The following PTPRD variants were observed in gnomAD, a reference collection of about 807,000 sequenced individuals.
PTPRD encodes protein tyrosine phosphatase receptor type D, also known as receptor-type tyrosine-protein phosphatase delta.
A neutral mutation model predicts 214.5 loss-of-function variants in PTPRD; 34 were observed. The ratio of observed to expected loss-of-function variants is 0.16; its 90% CI spans 0.12 to 0.21. The LOEUF (loss-of-function observed/expected upper bound fraction) is 0.21, where lower values mean the gene tolerates loss of function less well. Among genes scored for constraint, PTPRD ranks in the 10% least tolerant of loss-of-function variants. The pLI, the probability that PTPRD is intolerant of heterozygous loss-of-function variation, is 1.00. For synonymous variants in PTPRD, 1,128 were observed against 845.7 expected (o/e 1.33, Z -5.79); for missense variants, 2,545 against 2,398.7 (o/e 1.06, Z -1.27).
At chr9:10,161,646 T>G (rs1372161276) in intron 3 of PTPRD, among the ~76,000 whole-genome samples, 1 of 151,814 alleles carries the variant, frequency 6.6e-6, no homozygotes, top group African/African-American at 2.4e-5. Flanking sequence ...GCAAAGAATT[T>G]TCGTGTAAGA....
chr9:10,357,813 C>A (rs1196579253), intron 2 of PTPRD, among the ~76,000 whole-genome samples: 1 of 152,112 alleles, frequency 6.6e-6, no homozygotes, highest in Non-Finnish European at 1.5e-5. Context: ...AATAATTTTC[C>A]CTGACATTAA....
chr9:8,333,344 A>G (rs1843320589), intron 43 of PTPRD, among the ~76,000 whole-genome samples: 1 of 152,182 alleles, frequency 6.6e-6, no homozygotes, highest in Non-Finnish European at 1.5e-5. Context: ...AGAAGAGGTC[A>G]TGTGTGCAAA....
chr9:8,951,540 C>T (rs562583406), intron 11 of PTPRD, among the ~76,000 whole-genome samples: 1 of 152,042 alleles, frequency 6.6e-6, no homozygotes, highest in South Asian at 2.1e-4. Context: ...AGCTGTTTTA[C>T]GTTCAGCATA....
intron 9 of PTPRD, among the ~76,000 whole-genome samples, chr9:9,353,747 G>C (rs926117789): frequency 2.6e-4 from 39 of 151,874 alleles, no homozygotes; most frequent in African/African-American, 9.2e-4. Context: ...GAATATATTA[G>C]TTTTCTATTG....
chr9:10,176,886 C>G (rs1432459293), intron 3 of PTPRD, among the ~76,000 whole-genome samples: 1 of 151,878 alleles, frequency 6.6e-6, no homozygotes, highest in Non-Finnish European at 1.5e-5. Context: ...ATCAGTTTTT[C>G]TTATTTATTC....
At chr9:8,991,043 C>A (rs564594549) in intron 11 of PTPRD, among the ~76,000 whole-genome samples, 4 of 149,588 alleles carry the variant, frequency 2.7e-5, no homozygotes, top group African/African-American at 9.8e-5. Flanking sequence ...GGTGAAACCT[C>A]ATCTCTACCA....
chr9:9,425,386 T>G (rs1335992440), intron 8 of PTPRD, among the ~76,000 whole-genome samples: 1 of 51,930 alleles, frequency 1.9e-5, no homozygotes, highest in Non-Finnish European at 4.4e-5. Flanking sequence ...TAATATCTTA[T>G]ACATTATATA....
intron 8 of PTPRD, among the ~76,000 whole-genome samples, chr9:9,412,032 C>A: frequency 6.6e-6 from 1 of 152,276 alleles, no homozygotes; most frequent in African/African-American, 2.4e-5. Context: ...TTCACGGGAT[C>A]TTTCTGCTAT....
rs549311981 is a variant in PTPRD at position 10,394,253 on chromosome 9, A to T, written c.-599-53236T>A. ...CTATTATATATAATATATAGAAAAT[A>T]TAACCATTTGTCTTATATAAGTAAA... On this transcript the variant is annotated intron_variant, in intron 2 of 45. Transcript: ENST00000381196. Among the ~76,000 whole-genome samples the T allele has an allele frequency of 1.3e-3, 193 of 147,500 alleles. 2 individuals are homozygous for T. The highest frequency in any genetic ancestry group is 4.4e-3 in the African/African-American group (181 of 40,744).
intron 8 of PTPRD, among the ~76,000 whole-genome samples, chr9:9,467,480 G>A (rs771277487): frequency 4.0e-5 from 6 of 150,350 alleles, no homozygotes; most frequent in Non-Finnish European, 8.9e-5. Flanking sequence ...CCAGCTACTC[G>A]AGAGGCTGAG....
intron 11 of PTPRD, among the ~76,000 whole-genome samples, chr9:8,799,136 G>T (rs1393656419): frequency 6.6e-6 from 1 of 152,080 alleles, no homozygotes; most frequent in African/African-American, 2.4e-5. Flanking sequence ...AGAGTCCACA[G>T]GTATCTATAA....
intron 4 of PTPRD, among the ~76,000 whole-genome samples, chr9:10,017,944 G>T (rs889112367): frequency 2.8e-4 from 42 of 152,102 alleles, no homozygotes; most frequent in African/African-American, 9.7e-4. Flanking sequence ...AACAGCAGGG[G>T]TCCCCAGAGA....
At chr9:10,532,005 C>T (rs779949723) in intron 2 of PTPRD, 1 of 152,050 alleles carries the variant, frequency 6.6e-6, no homozygotes, top group Non-Finnish European at 1.5e-5. Flanking sequence ...TCATTTAATA[C>T]TTTATTTTAA....
intron 3 of PTPRD, among the ~76,000 whole-genome samples, chr9:10,057,557 G>C (rs187474712): frequency 6.6e-6 from 1 of 152,106 alleles, no homozygotes; most frequent in East Asian, 1.9e-4. Context: ...ATATCAGTAA[G>C]ATTAAAAGGT....
intron 11 of PTPRD, among the ~76,000 whole-genome samples, chr9:8,944,577 G>A (rs2099052564): frequency 6.6e-6 from 1 of 152,048 alleles, no homozygotes; most frequent in Non-Finnish European, 1.5e-5. Context: ...AGCCATAAAT[G>A]AGAATGAGAT....
intron 7 of PTPRD, among the ~76,000 whole-genome samples, chr9:9,693,808 A>G (rs144741674): frequency 6.6e-6 from 1 of 152,002 alleles, no homozygotes; most frequent in Admixed American, 6.6e-5. Context: ...GTCTCCTCTG[A>G]CTGTATTTTC....
chr9:8,748,959 T>C (rs547442165), intron 11 of PTPRD, among the ~76,000 whole-genome samples: 30 of 152,226 alleles, frequency 2.0e-4, no homozygotes, highest in African/African-American at 6.7e-4. Flanking sequence ...GATTGGTCCA[T>C]ACACTCCATC....
In PTPRD at chr9:9,228,384, TACACATATGTGC is replaced by T. The variant is rs2099960910; in HGVS notation, c.-202-45033_-202-45022del. ...TCTTATTGAATTATTAGATTGCAAA[TACACATATGTGC>T]ACACATATGTGCATGTGTATTTGCA... is the stretch of plus-strand genomic sequence containing the variant. On this transcript the variant is annotated intron_variant, in intron 9 of 45. Coordinates refer to ENST00000381196, the MANE Select transcript of PTPRD (RefSeq NM_002839.4). Among the ~76,000 whole-genome samples the T allele has an allele frequency of 2.0e-5, 3 of 152,214 alleles. No individual in the cohort carries two copies. The South Asian group carries it at 6.2e-4, about 32-fold the overall frequency.
chr9:8,681,557 A>G (rs1034058094), intron 12 of PTPRD, among the ~76,000 whole-genome samples: 9 of 152,052 alleles, frequency 5.9e-5, no homozygotes, highest in African/African-American at 2.2e-4. Context: ...CCTCCTCCCC[A>G]TCTCCATACA....
Sources: gnomAD v4.1 joint callset for allele counts (sites outside exome capture counted in the v4.1 genomes callset) on GRCh38, gnomAD v4.1.1 for gene constraint, MANE v1.5 for transcripts, NCBI Gene and HGNC (gene_info 2026-07-23, HGNC 2026-07-21) for gene names.